PPP2R3B: variants seen among roughly 807,000 people sequenced by gnomAD.
PPP2R3B encodes the protein serine/threonine-protein phosphatase 2A regulatory subunit B'' subunit beta.
Under a neutral mutation model 72.9 loss-of-function variants are expected in PPP2R3B, and 68 were observed. That is an observed-to-expected ratio of 0.93 (90% CI 0.77 to 1.14). PPP2R3B has a LOEUF of 1.14. Among genes scored for constraint, PPP2R3B ranks in the 50% most tolerant of loss-of-function variants. The probability of loss-of-function intolerance (pLI) is 0.00; values close to 1 mark genes in which losing one functional copy is unlikely to be tolerated. For synonymous variants in PPP2R3B, 466 were observed against 375.8 expected (o/e 1.24, Z -2.78); for missense variants, 1,018 against 842.0 (o/e 1.21, Z -2.59).
chrX:357,721 C>T (rs1472941679), intron 2 of PPP2R3B, among the ~76,000 whole-genome samples: 1 of 152,028 alleles, frequency 6.6e-6, no homozygotes, highest in East Asian at 1.9e-4. Context: ...TAGCCAACAA[C>T]GTTTGAAGGA....
At chrX:367,482 T>C (rs1208828579) in intron 1 of PPP2R3B, among the ~76,000 whole-genome samples, 1 of 152,056 alleles carries the variant, frequency 6.6e-6, no homozygotes, top group African/African-American at 2.4e-5. Flanking sequence ...TGGCTGGTCT[T>C]GAACTCCTGG....
Position 344,435 on chromosome X carries a change from G to A in PPP2R3B, c.1036+1081C>T, listed in dbSNP as rs188969690. Among the ~76,000 whole-genome samples the A allele has an allele frequency of 3.2e-3, 494 of 152,378 alleles. 5 individuals are homozygous for A. Among genetic ancestry groups the A allele is most frequent in the African/African-American group, 0.011 (476 of 41,594 alleles). On this transcript the variant is annotated intron_variant, in intron 7 of 12. Coordinates refer to ENST00000390665, the MANE Select transcript of PPP2R3B (RefSeq NM_013239.5). The stretch of plus-strand genomic sequence containing the variant: ...ATCCCTGCGGTCACCGGTGTCCCTG[G>A]GACGCACGAGCCAAGGTGCCGCCCC...
chrX:348,917 C>T (rs2123998829), intron 2 of PPP2R3B, among the ~76,000 whole-genome samples: 1 of 152,268 alleles, frequency 6.6e-6, no homozygotes, highest in South Asian at 2.1e-4. Context: ...GAGGCTGGCA[C>T]AGCCTGGACG....
Position 386,521 on chromosome X carries a change from G to C in PPP2R3B, c.171C>G (p.Ala57=). The change falls in exon 1 of 13, where the codon GCC becomes GCG. Residue 57 remains alanine, a synonymous_variant. Coordinates refer to ENST00000390665, the MANE Select transcript of PPP2R3B (RefSeq NM_013239.5). Reference sequence around the variant, plus strand: ...GGGCGGCGAGCGGGGCTGTGGGCCAGGCCCCGGGCTGCTCCCCGTCCCCCG... The same window carrying C: ...GGGCGGCGAGCGGGGCTGTGGGCCACGCCCCGGGCTGCTCCCCGTCCCCCG... The part of the protein sequence containing the change: ...PTPGDGEQPG[A]WPTAPLAAPR... 2 of 1,399,880 alleles carry C rather than the reference G, an allele frequency of 1.4e-6. No homozygotes were observed. The highest frequency in any genetic ancestry group is 1.9e-6 in the Non-Finnish European group (2 of 1,072,700). 86.7% of individuals were successfully genotyped at this position (1,399,880 alleles called of 1,614,324 possible).
intron 7 of PPP2R3B, chrX:345,143 G>C: frequency 2.0e-6 from 1 of 512,144 alleles, no homozygotes; most frequent in Non-Finnish European, 3.8e-6. Context: ...ACTGCTCCAG[G>C]CCTTGGGGGC....
intron 1 of PPP2R3B, chrX:373,773 C>A (rs971831945): frequency 6.7e-6 from 1 of 149,910 alleles, no homozygotes; most frequent in African/African-American, 2.4e-5. Context: ...GCGCTCCATG[C>A]GTCGCCCGCC....
At chrX:348,699 C>T (rs2738348) in intron 2 of PPP2R3B, among the ~76,000 whole-genome samples, 120,161 of 152,054 alleles carry the variant, frequency 0.79, 47,631 homozygotes, top group Middle Eastern at 0.85. Context: ...ACAGACTCCC[C>T]GATGAACAAG....
At position 347,677 on chromosome X, in the gene PPP2R3B, A is replaced by T; in HGVS notation, c.527T>A (p.Leu176His). ...GLVAKACGCP[L>H]YWKGPLFYGA... Reference sequence around the variant, plus strand: ...ATAGAAGAGCGGCCCCTTCCAGTAGAGGGGGCAGCCGCAGGCCTGGGGCAG... The same window carrying T: ...ATAGAAGAGCGGCCCCTTCCAGTAGTGGGGGCAGCCGCAGGCCTGGGGCAG... Residue 176 changes from leucine (L) to histidine (H), a missense_variant, in exon 3 of 13, where the codon CTC (leucine) becomes CAC (histidine). Physicochemically the swap from Leu to His is moderately conservative, Grantham distance 99. Coordinates refer to ENST00000390665, the MANE Select transcript of PPP2R3B (RefSeq NM_013239.5). The T allele has an allele frequency of 1.3e-6, 2 of 1,545,066 alleles. No homozygotes were observed. The highest frequency in any genetic ancestry group is 2.4e-5 in the South Asian group (2 of 83,618).
intron 7 of PPP2R3B, chrX:342,250 C>T: frequency 1.9e-6 from 1 of 528,940 alleles, no homozygotes; most frequent in East Asian, 3.3e-5. Flanking sequence ...CGAGTGTGAT[C>T]ACGGAAACAA....
chrX:367,692 C>T (rs1445632051), intron 1 of PPP2R3B, among the ~76,000 whole-genome samples: 1 of 152,196 alleles, frequency 6.6e-6, no homozygotes, highest in African/African-American at 2.4e-5. Flanking sequence ...GTCCATCACA[C>T]GGATGAGCAG....
At chrX:385,315 GTTTTC>G (rs2072221910) in intron 1 of PPP2R3B, among the ~76,000 whole-genome samples, 2 of 106,710 alleles carry the variant, frequency 1.9e-5, no homozygotes, top group Admixed American at 2.0e-4. Flanking sequence ...CTTGTTTTTA[GTTTTC>G]TTTTTTTTTT....
At chrX:351,179 C>T (rs1293828546) in intron 2 of PPP2R3B, among the ~76,000 whole-genome samples, 6 of 152,158 alleles carry the variant, frequency 3.9e-5, no homozygotes, top group South Asian at 4.1e-4. Context: ...TGCCGGCTCC[C>T]GTGATGAGGA....
intron 2 of PPP2R3B, among the ~76,000 whole-genome samples, chrX:356,481 G>A (rs1909951254): frequency 6.6e-6 from 1 of 152,192 alleles, no homozygotes; most frequent in South Asian, 2.1e-4. Flanking sequence ...CTCCCGAAGT[G>A]CTGGGATTAG....
intron 1 of PPP2R3B, among the ~76,000 whole-genome samples, chrX:370,398 G>C (rs1026915575): frequency 6.6e-6 from 1 of 152,148 alleles, no homozygotes; most frequent in Non-Finnish European, 1.5e-5. Context: ...AGGCACTGGC[G>C]CCTGCAGCCA....
At chrX:353,561 T>C (rs2071372478) in intron 2 of PPP2R3B, among the ~76,000 whole-genome samples, 1 of 152,184 alleles carries the variant, frequency 6.6e-6, no homozygotes, top group African/African-American at 2.4e-5. Context: ...CTAAAGGACA[T>C]TTTCCAAGCA....
intron 2 of PPP2R3B, among the ~76,000 whole-genome samples, chrX:352,811 C>T (rs2071358169): frequency 6.6e-6 from 1 of 151,370 alleles, no homozygotes; most frequent in South Asian, 2.1e-4. Context: ...CGGCGGGTGA[C>T]GGGACAAGAG....
chrX:375,061 C>T (rs1209787438), intron 1 of PPP2R3B, among the ~76,000 whole-genome samples: 3 of 152,110 alleles, frequency 2.0e-5, no homozygotes, highest in Admixed American at 2.0e-4. Context: ...CCACAGCCCC[C>T]CACCCGCAAG....
chrX:363,523 C>CACAAT (rs1491292025), intron 1 of PPP2R3B, among the ~76,000 whole-genome samples: 9 of 147,358 alleles, frequency 6.1e-5, no homozygotes, highest in Non-Finnish European at 9.1e-5. Flanking sequence ...CCCGCGATCC[C>CACAAT]GCAGTGCATC....
chrX:378,828 C>T (rs565785235), intron 1 of PPP2R3B, among the ~76,000 whole-genome samples: 72 of 152,302 alleles, frequency 4.7e-4, no homozygotes, highest in African/African-American at 1.5e-3. Flanking sequence ...GTCGTTGTTA[C>T]GAAGGCAGTG....
Sources: allele counts gnomAD v4.1 joint callset (sites outside exome capture counted in the v4.1 genomes callset), GRCh38; gene constraint gnomAD v4.1.1; transcripts MANE v1.5; gene names NCBI Gene and HGNC (gene_info 2026-07-23, HGNC 2026-07-21).